POLG: variants seen among roughly 807,000 people sequenced by gnomAD.
POLG encodes the protein DNA polymerase gamma, catalytic subunit, also known as DNA polymerase subunit gamma-1.
In POLG, 110 loss-of-function variants were observed where a neutral mutation model predicts 155.4. That is an observed-to-expected ratio of 0.71 (90% CI 0.61 to 0.83). The LOEUF is 0.83. Among genes scored for constraint, POLG ranks in the 40% least tolerant of loss-of-function variants. The pLI, the probability that POLG is intolerant of heterozygous loss-of-function variation, is 0.00. For synonymous variants in POLG, 701 were observed against 631.5 expected, an observed-to-expected ratio of 1.11 and a Z score of -1.65; for missense variants, 1,685 against 1,627.5, an observed-to-expected ratio of 1.04 and a Z score of -0.61.
rs965985217 is a variant in POLG, at chr15:89,333,004, C to T, written c.659+92G>A. 3 of 1,475,496 alleles carry T rather than the reference C, an allele frequency of 2.0e-6. No individual in the cohort carries two copies. The Admixed American group carries it at 7.2e-5, about 35-fold the overall frequency. The allele number at this position is 1,475,496 out of a possible 1,614,324, so 91.4% of individuals were successfully genotyped here. A position where few individuals can be genotyped will look rare whatever the true frequency, so the allele number is the denominator to read the frequency against. On this transcript the variant is annotated intron_variant, in intron 2 of 22. Transcript: ENST00000268124. ...CAGCGCTCCCTACGTGAGCACCCAG[C>T]CCGTAACAGGACCTCAGAAAATGTT...
chr15:89,319,540 A>G (rs2055363835), intron 18 of POLG, 190 bp from the exon 19 acceptor site: 2 of 745,752 alleles, frequency 2.7e-6, no homozygotes, highest in Admixed American at 4.7e-5. Flanking sequence ...TCATGGAGCT[A>G]GAAAGAGATG....
chr15:89,322,144 C>T, intron 14 of POLG, 129 bp from the exon 15 acceptor site: 1 of 891,452 alleles, frequency 1.1e-6, no homozygotes, highest in Non-Finnish European at 1.9e-6. Flanking sequence ...ACTAACTGGA[C>T]TCAAGGTGAG....
chr15:89,328,228 G>A (rs573737906), intron 6 of POLG, among the ~76,000 whole-genome samples: 2 of 152,264 alleles, frequency 1.3e-5, no homozygotes, highest in South Asian at 2.1e-4. Context: ...AACCAGGACC[G>A]TGCACATGAC....
At chr15:89,318,841 C>T in intron 20 of POLG, 90 bp downstream of exon 20, 1 of 1,568,632 alleles carries the variant, frequency 6.4e-7, no homozygotes, top group Non-Finnish European at 8.8e-7. Flanking sequence ...TCACTCTGGC[C>T]CTACCTACAA....
chr15:89,323,607 G>A (rs761700768), intron 12 of POLG, 96 bp from the exon 13 acceptor site: 83 of 871,014 alleles, frequency 9.5e-5, no homozygotes, highest in Non-Finnish European at 1.4e-4. Context: ...TGAAACTGTC[G>A]TCATCAGCTG....
rs1334042063 is a variant in POLG at position 89,316,493 on chromosome 15, T to G, written c.*258A>C. 6.3e-7 allele frequency: 1 copy of G among 1,582,972 alleles called. No homozygotes were observed. The highest frequency in any genetic ancestry group is 8.6e-7 in the Non-Finnish European group (1 of 1,161,102). On this transcript the variant is annotated 3_prime_UTR_variant, in exon 23 of 23. Transcript: ENST00000268124. ...CCTGAGTTAATGTGAACTTTGGGGC[T>G]TCTGCTTCATTTTTACCCAACAAGC...
chr15:89,330,156 G>A lies in POLG; in HGVS notation c.780C>T (p.Asp260=). The part of the protein sequence containing the change: ...PTGASSPTQR[D]WQEQLVVGHN... ...GCCCCACCACTAACTGCTCCTGCCAGTCTCTCTGGGTGGGGCTGCTGGCAC... is the reference window on the plus strand; with the variant it reads ...GCCCCACCACTAACTGCTCCTGCCAATCTCTCTGGGTGGGGCTGCTGGCAC... Residue 260 remains aspartate (D), a synonymous_variant, in exon 3 of 23, where the codon GAC becomes GAT. Transcript: ENST00000268124. 1.2e-6 allele frequency: 2 copies of A among 1,614,076 alleles called. No homozygotes were observed.
intron 13 of POLG, 149 bp from the exon 14 acceptor site, chr15:89,323,051 G>A (rs919870799): frequency 5.6e-5 from 42 of 756,494 alleles, no homozygotes; most frequent in Admixed American, 4.8e-4. Flanking sequence ...ACGCGCGCAC[G>A]CGCGCACGCA....
Position 89,333,628 on chromosome 15 carries a change from G to T in POLG, c.127C>A (p.Gln43Lys). The T allele has an allele frequency of 6.3e-7, 1 of 1,594,342 alleles. No individual in the cohort carries two copies. Among genetic ancestry groups the T allele is most frequent in the Non-Finnish European group, 8.5e-7 (1 of 1,173,354 alleles). The change falls in exon 2 of 23, where the codon CAG becomes AAG. Residue 43 changes from glutamine (Q) to lysine (K), a missense_variant. Physicochemically the swap from Gln to Lys is moderately conservative, Grantham distance 53. Transcript: ENST00000268124. ...TGCTGCTGCTGCTGCTGCTGCTGCT[G>T]CCGCCGCCGCTGCCCGTCGCTGGGG... ...SDPSDGQRRR[Q>K]QQQQQQQQQQ...
Position 89,325,819 on chromosome 15 carries a change from C to T in POLG, c.1713-133G>A. 1.4e-5 allele frequency: 11 copies of T among 763,682 alleles called. 1 individual carries two copies. In the South Asian group the frequency reaches 1.5e-4, roughly 11 times the overall value. The allele number at this position is 763,682 out of a possible 1,614,324, so 47.3% of individuals were successfully genotyped here. ...TTCTGGTGACCCCAGCCTACAGCCG[C>T]CATCCCCTCCTCTGGGATGCTTTAG... On this transcript the variant is annotated intron_variant, in intron 9 of 22. Coordinates refer to ENST00000268124, the MANE Select transcript of POLG (RefSeq NM_002693.3).
Position 89,330,095 on chromosome 15 carries a change from G to C in POLG, c.841C>G (p.Gln281Glu). The C allele has an allele frequency of 6.2e-7, 1 of 1,613,292 alleles. No homozygotes were observed. Among genetic ancestry groups the C allele is most frequent in the Non-Finnish European group, 8.5e-7 (1 of 1,179,238 alleles). Residue 281 changes from glutamine to glutamate, a missense_variant, in exon 3 of 23, where the codon CAG becomes GAG. Coordinates refer to ENST00000268124, the MANE Select transcript of POLG (RefSeq NM_002693.3). ...AGGAACCTTACCTGGATCAGGTACTGCTCCCTGATATGAGCTCGGTCAAAG... is the reference window on the plus strand; with the variant it reads ...AGGAACCTTACCTGGATCAGGTACTCCTCCCTGATATGAGCTCGGTCAAAG... ...VSFDRAHIREQYLIQGSRMRF... is the reference protein window; with the variant it reads ...VSFDRAHIREEYLIQGSRMRF...
At chr15:89,331,234 AC>A (rs2055590258) in intron 2 of POLG, among the ~76,000 whole-genome samples, 1 of 152,204 alleles carries the variant, frequency 6.6e-6, no homozygotes, top group Non-Finnish European at 1.5e-5. Flanking sequence ...CTAGTTTTAA[AC>A]CTGACAAAAT....
rs754439283 is a variant in POLG, at chr15:89,321,739, G to A, written c.2595C>T (p.Ala865=). Residue 865 remains alanine, a synonymous_variant, in exon 16 of 23, where the codon GCC becomes GCT. Transcript: ENST00000268124. ...VEPTWLTASN[A]RPDRVGSELK... is the part of the protein sequence containing the mutation. The stretch of plus-strand genomic sequence containing the variant: ...CAGAGGTACAGAGGTCACATACCCG[G>A]GCATTGCTGGCGGTGAGCCATGTGG... 4 of 1,609,302 alleles carry A rather than the reference G, an allele frequency of 2.5e-6. No homozygotes were observed. Among genetic ancestry groups the A allele is most frequent in the African/African-American group, 2.7e-5 (2 of 74,816 alleles).
rs2152065937 is a variant in POLG, at chr15:89,325,616, G to A, written c.1783C>T (p.Gln595Ter). The change falls in exon 10 of 23, where the codon CAG (glutamine) becomes TAG (stop). Residue 595 changes from glutamine (Q) to a stop codon, truncating the protein, a stop_gained. Coordinates refer to ENST00000268124, the MANE Select transcript of POLG (RefSeq NM_002693.3). LOFTEE classifies it high-confidence loss of function. ...WTPGPSLLSL[Q>*]MRVTPKLMAL... The stretch of plus-strand genomic sequence containing the variant: ...ATGAGTTTAGGTGTGACCCGCATCT[G>A]CAGGCTGAGGAGGCTGGGGCCCGGG... 1 of 1,613,514 alleles carries A rather than the reference G, an allele frequency of 6.2e-7. No individual in the cohort carries two copies. The highest frequency in any genetic ancestry group is 8.5e-7 in the Non-Finnish European group (1 of 1,180,016).
intron 10 of POLG, among the ~76,000 whole-genome samples, chr15:89,325,091 AGTGAGT>A (rs2055465909): frequency 1.1e-5 from 1 of 93,770 alleles, no homozygotes; most frequent in Non-Finnish European, 2.1e-5. Flanking sequence ...TGAGAGAGTG[AGTGAGT>A]GAGAGAGTGA....
Position 89,324,198 on chromosome 15 carries a change from C to T in POLG, c.1979G>A (p.Cys660Tyr). Residue 660 changes from cysteine to tyrosine, a missense_variant, in exon 11 of 23, where the codon TGT becomes TAT. Cys to Tyr is a radical substitution (Grantham distance 194). This residue lies in a region of POLG where 1,210 missense variants were observed against 1,167.1 expected (regional missense o/e 1.04). Coordinates refer to ENST00000268124, the MANE Select transcript of POLG (RefSeq NM_002693.3). ...CAGCTGCTGCTTCCCCTGTTCGAGACAGTGCTTCCTGTACAGGGACTCGAT... is the reference window on the plus strand; with the variant it reads ...CAGCTGCTGCTTCCCCTGTTCGAGATAGTGCTTCCTGTACAGGGACTCGAT... ...RAIESLYRKH[C>Y]LEQGKQQLMP... 1 of 1,613,564 alleles carries T rather than the reference C, an allele frequency of 6.2e-7. No individual in the cohort carries two copies. The highest frequency in any genetic ancestry group is 8.5e-7 in the Non-Finnish European group (1 of 1,180,028).
rs149099318 is a variant in POLG at position 89,318,581 on chromosome 15, G to A, written c.3442C>T (p.Arg1148Cys). 43 of 1,614,028 alleles carry A rather than the reference G, an allele frequency of 2.7e-5. No homozygotes were observed. Among genetic ancestry groups the A allele is most frequent in the South Asian group, 1.1e-4 (10 of 91,066 alleles). The change falls in exon 21 of 23, where the codon CGC (arginine) becomes TGC (cysteine). Residue 1148 changes from arginine to cysteine, a missense_variant. Arg to Cys is a radical substitution (Grantham distance 180). Coordinates refer to ENST00000268124, the MANE Select transcript of POLG (RefSeq NM_002693.3). The part of the protein sequence containing the change: ...RYLVREEDRY[R>C]AALALQITNL... The stretch of plus-strand genomic sequence containing the variant: ...GTGATCTGCAAGGCCAGGGCAGCGC[G>A]GTAGCGGTCCTCCTCCCGCACCAGG...
rs1567189684 is a variant in POLG, at chr15:89,325,171, AGAGTGAGAGAGTGAGTGAGTGAGAGAGT to A, written c.1949+251_1949+278del. The stretch of plus-strand genomic sequence containing the variant: ...GTGAGTGAGTGAGTGAGTGAGTGAG[AGAGTGAGAGAGTGAGTGAGTGAGAGAGT>A]GAGTGAGAGAGTGAGTGAGTGAGAG... On this transcript the variant is annotated intron_variant, in intron 10 of 22. Coordinates refer to ENST00000268124, the MANE Select transcript of POLG (RefSeq NM_002693.3). 5.5e-4 allele frequency among the ~76,000 whole-genome samples: 32 copies of A among 58,598 alleles called. 5 individuals carry two copies. Among genetic ancestry groups the A allele is most frequent in the African/African-American group, 3.3e-3 (26 of 7,886 alleles). The allele number at this position is 58,598 out of a possible 152,430, so 38.4% of individuals were successfully genotyped here. A position where few individuals can be genotyped will look rare whatever the true frequency, so the allele number is the denominator to read the frequency against.
Position 89,316,426 on chromosome 15 carries a change from C to G in POLG, c.*325G>C. On this transcript the variant is annotated 3_prime_UTR_variant, in exon 23 of 23. Coordinates refer to ENST00000268124, the MANE Select transcript of POLG (RefSeq NM_002693.3). The stretch of plus-strand genomic sequence containing the variant: ...CTGCATCAGAGCATGGGGGACAGAA[C>G]AAAGAACCAGCCAAGAAGAAAAGGA... 2 of 1,611,792 alleles carry G rather than the reference C, an allele frequency of 1.2e-6. No individual in the cohort carries two copies. Among genetic ancestry groups the G allele is most frequent in the African/African-American group, 1.3e-5 (1 of 74,868 alleles).
Sources: gnomAD v4.1 joint callset for allele counts (sites outside exome capture counted in the v4.1 genomes callset) on GRCh38, gnomAD v4.1.1 for gene constraint, gnomAD v4.1.1 regional missense constraint, MANE v1.5 for transcripts, NCBI Gene and HGNC (gene_info 2026-07-23, HGNC 2026-07-21) for gene names.